Variants in ARFGAP1 observed in about 807,000 individuals in gnomAD.
The protein encoded by ARFGAP1 is ADP-ribosylation factor GTPase-activating protein 1.
In ARFGAP1, 26 loss-of-function variants were observed where a neutral mutation model predicts 54.0. That is an observed-to-expected ratio of 0.48 (90% CI 0.35 to 0.67). The LOEUF is 0.67. Ranked by LOEUF, ARFGAP1 falls within the 30% of genes least tolerant of loss-of-function variation. The pLI is 0.00. For missense variants in ARFGAP1, 525 were observed against 535.8 expected (o/e 0.98, Z 0.20); for synonymous variants, 248 against 211.9 (o/e 1.17, Z -1.48).
At position 63,284,567 on chromosome 20, in the gene ARFGAP1, C is replaced by T. The variant is rs2067474335; in HGVS notation, c.718-299C>T. 8 of 1,279,634 alleles carry T rather than the reference C, an allele frequency of 6.3e-6. No homozygotes were observed. In the South Asian group the frequency reaches 1.3e-4, roughly 20 times the overall value. The allele number at this position is 1,279,634 out of a possible 1,614,324, so 79.3% of individuals were successfully genotyped here. ...GGCCTCAGGCACAGGCTCCACAGGG[C>T]CTGTTCCCACCAGCCCGGCCCGGCA... is the stretch of plus-strand genomic sequence containing the variant. On this transcript the variant is annotated intron_variant, in intron 9 of 12. Coordinates refer to ENST00000370283, the MANE Select transcript of ARFGAP1 (RefSeq NM_018209.4).
In ARFGAP1 at chr20:63,276,696, C is replaced by G; in HGVS notation, c.342+45C>G. On this transcript the variant is annotated intron_variant, in intron 4 of 12. Transcript: ENST00000370283. This position sits in a 1 kb window ranked among gnomAD's most constrained non-coding sequence, Gnocchi z 5.2. The stretch of plus-strand genomic sequence containing the variant: ...ACTCTTGCCCATGGTGTGGGGCTGC[C>G]CTGCCGTTTGTGGCAGCTGGACTGT... 1 of 1,552,516 alleles carries G rather than the reference C, an allele frequency of 6.4e-7. No individual in the cohort carries two copies.
chr20:63,279,435 A>G, intron 7 of ARFGAP1: 1 of 337,482 alleles, frequency 3.0e-6, no homozygotes, highest in South Asian at 2.3e-5. Flanking sequence ...CGAACTCCTG[A>G]CTTCAGGTGA....
intron 1 of ARFGAP1, chr20:63,274,350 T>C (rs2067182528): frequency 9.4e-6 from 1 of 106,188 alleles, no homozygotes; most frequent in Admixed American, 1.4e-4. Context: ...ATCTTATTTC[T>C]GGATACTTAA....
chr20:63,279,850 A>T (rs967472253), intron 7 of ARFGAP1, among the ~76,000 whole-genome samples: 14 of 152,338 alleles, frequency 9.2e-5, no homozygotes, highest in African/African-American at 3.4e-4. Context: ...TCTTTAAAAA[A>T]TGATTTTTGT....
At chr20:63,284,535 C>A in intron 9 of ARFGAP1, 1 of 1,193,074 alleles carries the variant, frequency 8.4e-7, no homozygotes, top group Non-Finnish European at 1.1e-6. Flanking sequence ...TGGCTGCAGC[C>A]GGCGTTGGCC....
intron 8 of ARFGAP1, among the ~76,000 whole-genome samples, chr20:63,282,149 T>TGACA (rs2067401030): frequency 6.6e-6 from 1 of 152,000 alleles, no homozygotes; most frequent in South Asian, 2.1e-4. Context: ...GCCCCGTGTC[T>TGACA]TCCCTGGGAG....
At chr20:63,274,311 A>ACCTCC (rs2067177562) in intron 1 of ARFGAP1, 1 of 4,948 alleles carries the variant, frequency 2.0e-4, no homozygotes, top group African/African-American at 3.8e-4. Flanking sequence ...TGGAGTTGGG[A>ACCTCC]CCCCCCCCCC....
At chr20:63,284,821 C>T (rs1312925008) in intron 9 of ARFGAP1, 45 bp from the exon 10 acceptor site, 20 of 1,608,868 alleles carry the variant, frequency 1.2e-5, no homozygotes, top group South Asian at 7.7e-5. Context: ...ACCCGTGTCC[C>T]GTGGTGGAGC....
intron 9 of ARFGAP1, chr20:63,284,216 A>G (rs977265062): frequency 5.6e-6 from 7 of 1,244,368 alleles, no homozygotes; most frequent in Non-Finnish European, 2.0e-6. Flanking sequence ...AGAGCTGCTG[A>G]GCAGGGTTTC....
rs1478238741 is a variant in ARFGAP1 at position 63,283,121 on chromosome 20, A to G, written c.717+270A>G. ...CGGTGTGTGGCCACTGCAGCCGGCC[A>G]CCTTGTTGGGAGCAGGACTGCCCGG... On this transcript the variant is annotated intron_variant, in intron 9 of 12. Transcript: ENST00000370283. The G allele has an allele frequency of 1.7e-5, 9 of 530,350 alleles. No homozygotes were observed. The East Asian group carries it at 2.9e-4, about 17-fold the overall frequency. 32.9% of individuals were successfully genotyped at this position (530,350 alleles called of 1,614,324 possible). A position where few individuals can be genotyped will look rare whatever the true frequency, so the allele number is the denominator to read the frequency against.
At chr20:63,278,815 C>T (rs1324442188) in intron 6 of ARFGAP1, 84 bp from the exon 7 acceptor site, 2 of 1,369,442 alleles carry the variant, frequency 1.5e-6, no homozygotes, top group Non-Finnish European at 2.1e-6. Flanking sequence ...GAGCCCCAGC[C>T]TTGCCTGTGT....
intron 7 of ARFGAP1, 66 bp downstream of exon 7, chr20:63,279,061 T>C: frequency 6.7e-7 from 1 of 1,488,328 alleles, no homozygotes; most frequent in Non-Finnish European, 9.3e-7. Flanking sequence ...CGACGGGCCA[T>C]AGTGGGCAGT....
chr20:63,283,782 CGCT>C, intron 9 of ARFGAP1: 1 of 1,582,776 alleles, frequency 6.3e-7, no homozygotes, highest in Non-Finnish European at 8.7e-7. Flanking sequence ...GGTTCGAAGG[CGCT>C]GCTGGTTACT....
chr20:63,277,862 T>A (rs1280289109), intron 5 of ARFGAP1, among the ~76,000 whole-genome samples: 1 of 152,214 alleles, frequency 6.6e-6, no homozygotes. Context: ...CTCTCCCCGC[T>A]GCCTCCTGCC....
At chr20:63,285,995 T>C in intron 11 of ARFGAP1, 1 of 1,531,254 alleles carries the variant, frequency 6.5e-7, no homozygotes, top group Non-Finnish European at 8.8e-7. Context: ...GCGCCGTCTT[T>C]GCTGCCATCA....
At chr20:63,282,891 ACTAT>A (rs1163452812) in intron 9 of ARFGAP1, 40 bp downstream of exon 9, 1 of 1,612,086 alleles carries the variant, frequency 6.2e-7, no homozygotes, top group Non-Finnish European at 8.5e-7. Flanking sequence ...TGCATCTGAA[ACTAT>A]CCTGAGTCTG....
At position 63,287,805 on chromosome 20, in the gene ARFGAP1, G is replaced by A; in HGVS notation, c.1153G>A (p.Glu385Lys). The A allele has an allele frequency of 5.6e-6, 9 of 1,596,734 alleles. No individual in the cohort carries two copies. The highest frequency in any genetic ancestry group is 7.7e-6 in the Non-Finnish European group (9 of 1,172,470). Residue 385 changes from glutamate (E) to lysine (K), a missense_variant, in exon 13 of 13, where the codon GAG becomes AAG. Physicochemically the swap from Glu to Lys is moderately conservative, Grantham distance 56. This residue lies in a region of ARFGAP1 where 466 missense variants were observed against 453.6 expected (regional missense o/e 1.03). Coordinates refer to ENST00000370283, the MANE Select transcript of ARFGAP1 (RefSeq NM_018209.4). ...NSNSDGGEGG[E>K]GTKKAVPPAV... is the part of the protein sequence containing the mutation. ...CAACAGCGACGGCGGGGAGGGCGGGGAGGGCACCAAGAAGGCAGTGCCGCC... is the reference window on the plus strand; with the variant it reads ...CAACAGCGACGGCGGGGAGGGCGGGAAGGGCACCAAGAAGGCAGTGCCGCC...
At position 63,288,657 on chromosome 20, in the gene ARFGAP1, G is replaced by C. The variant is rs2067632545; in HGVS notation, c.*784G>C. ...GAGGGTGCGATAGCGGACGTGGCCAGGCAGGAGGGGCCGGGTTCAGGAGCT... is the reference window on the plus strand; with the variant it reads ...GAGGGTGCGATAGCGGACGTGGCCACGCAGGAGGGGCCGGGTTCAGGAGCT... On this transcript the variant is annotated 3_prime_UTR_variant, in exon 13 of 13. Coordinates refer to ENST00000370283, the MANE Select transcript of ARFGAP1 (RefSeq NM_018209.4). 1 of 381,966 alleles carries C rather than the reference G, an allele frequency of 2.6e-6. No individual in the cohort carries two copies. The highest frequency in any genetic ancestry group is 5.3e-6 in the Non-Finnish European group (1 of 188,724). 23.7% of individuals were successfully genotyped at this position (381,966 alleles called of 1,614,324 possible). A position where few individuals can be genotyped will look rare whatever the true frequency, so the allele number is the denominator to read the frequency against.
chr20:63,285,709 C>T lies in ARFGAP1; in HGVS notation c.830C>T (p.Ser277Phe), dbSNP rs746605629. 1.6e-5 allele frequency: 26 copies of T among 1,613,528 alleles called. No individual in the cohort carries two copies. The East Asian group carries it at 5.3e-4, about 33-fold the overall frequency. ...DVSSGVSQLA[S>F]KVQGVGSKGW... is the part of the protein sequence containing the mutation. ...TCCAGTGGGGTCTCTCAGTTGGCGT[C>T]CAAGGTAGGGAGCCTGCCAGATACG... Residue 277 changes from serine to phenylalanine, a missense_variant, in exon 11 of 13, where the codon TCC (serine) becomes TTC (phenylalanine). Physicochemically the swap from Ser to Phe is radical, Grantham distance 155. Around this residue, in one of 3 missense-constraint regions of ARFGAP1, gnomAD observed 466 missense variants for 453.6 expected, o/e 1.03. Coordinates refer to ENST00000370283, the MANE Select transcript of ARFGAP1 (RefSeq NM_018209.4).
Sources: gnomAD v4.1 joint callset for allele counts (sites outside exome capture counted in the v4.1 genomes callset) on GRCh38, gnomAD v4.1.1 for gene constraint, gnomAD v4.1.1 regional missense constraint, Gnocchi (gnomAD v3.1) non-coding constraint, MANE v1.5 for transcripts, NCBI Gene and HGNC (gene_info 2026-07-23, HGNC 2026-07-21) for gene names.